PRIM2: variants seen among roughly 807,000 people sequenced by gnomAD.
PRIM2 encodes DNA primase subunit 2.
In PRIM2, 39 loss-of-function variants were observed where a neutral mutation model predicts 67.3. The observed-to-expected ratio is 0.58, with a 90% CI of 0.45 to 0.76. PRIM2 has a LOEUF of 0.76. PRIM2 is among the 30% of genes least tolerant of loss of function. The probability of loss-of-function intolerance (pLI) is 0.00; values close to 1 mark genes in which losing one functional copy is unlikely to be tolerated. For missense variants in PRIM2, 398 were observed against 598.7 expected, an observed-to-expected ratio of 0.66 and a Z score of 3.50; for synonymous variants, 143 against 198.7, an observed-to-expected ratio of 0.72 and a Z score of 2.36.
chr6:57,632,077 T>C (rs1777044562), intron 12 of PRIM2, 56 bp from the exon 13 acceptor site: 1 of 1,447,870 alleles, frequency 6.9e-7, no homozygotes, highest in Admixed American at 2.5e-5. Context: ...GCTACAGTGG[T>C]TTAGAAGAAA....
At chr6:57,553,626 T>A (rs1309879798) in intron 10 of PRIM2, among the ~76,000 whole-genome samples, 1 of 151,872 alleles carries the variant, frequency 6.6e-6, no homozygotes, top group Non-Finnish European at 1.5e-5. Flanking sequence ...GTTGCCCTTC[T>A]TGTTTCCTGT....
intron 7 of PRIM2, among the ~76,000 whole-genome samples, chr6:57,394,629 C>T (rs1770459976): frequency 6.6e-6 from 1 of 152,128 alleles, no homozygotes; most frequent in East Asian, 1.9e-4. Flanking sequence ...AGTTTGACTT[C>T]CTCTTTACCT....
chr6:57,446,418 C>CTTTTCTTTTTTTTTTTTTTTTT (rs1772366960), intron 7 of PRIM2, among the ~76,000 whole-genome samples: 1 of 83,814 alleles, frequency 1.2e-5, no homozygotes, highest in African/African-American at 4.9e-5. Context: ...CACGCCACTT[C>CTTTTCTTTTTTTTTTTTTTTTT]TTTTTTTTTT....
chr6:57,357,173 C>T (rs912535175), intron 5 of PRIM2, among the ~76,000 whole-genome samples: 1 of 152,088 alleles, frequency 6.6e-6, no homozygotes, highest in Non-Finnish European at 1.5e-5. Flanking sequence ...ACTTTGTGAT[C>T]CCCCCACATT....
chr6:57,611,497 G>T (rs1163572498), intron 12 of PRIM2, among the ~76,000 whole-genome samples: 4 of 152,080 alleles, frequency 2.6e-5, no homozygotes, highest in African/African-American at 9.7e-5. Flanking sequence ...TTTAAACAAA[G>T]GTGCCAGGGC....
At chr6:57,489,480 C>G (rs1162189054) in intron 7 of PRIM2, among the ~76,000 whole-genome samples, 37 of 152,344 alleles carry the variant, frequency 2.4e-4, no homozygotes, top group African/African-American at 7.9e-4. Flanking sequence ...TGGCGTGAAC[C>G]CGGGAGGCGG....
chr6:57,513,873 G>T (rs1774423782), intron 8 of PRIM2, among the ~76,000 whole-genome samples: 1 of 152,150 alleles, frequency 6.6e-6, no homozygotes, highest in Non-Finnish European at 1.5e-5. Context: ...ATTATTTAAT[G>T]TTTTGTCATT....
intron 10 of PRIM2, among the ~76,000 whole-genome samples, chr6:57,600,582 C>T (rs1349612441): frequency 1.3e-5 from 2 of 152,052 alleles, no homozygotes; most frequent in Non-Finnish European, 2.9e-5. Flanking sequence ...TCTTGAACTC[C>T]TGGGCTCAAG....
chr6:57,576,365 AG>A (rs1581999185), intron 10 of PRIM2, among the ~76,000 whole-genome samples: 1 of 151,900 alleles, frequency 6.6e-6, no homozygotes, highest in African/African-American at 2.4e-5. Context: ...GTTCATTCAA[AG>A]GGGGGATAGT....
intron 10 of PRIM2, among the ~76,000 whole-genome samples, chr6:57,559,554 A>G (rs1775588665): frequency 6.6e-6 from 1 of 152,216 alleles, no homozygotes; most frequent in African/African-American, 2.4e-5. Context: ...ATTTAAAATA[A>G]TTGAAGAATT....
chr6:57,273,924 G>A, the PRIM2 span, among the ~76,000 whole-genome samples: 9 of 152,138 alleles, frequency 5.9e-5, no homozygotes, highest in Admixed American at 2.6e-4. Flanking sequence ...TATCAGCAGC[G>A]GTGGCTGCAG....
the PRIM2 span, among the ~76,000 whole-genome samples, chr6:57,284,002 T>C: frequency 2.0e-5 from 3 of 152,190 alleles, no homozygotes; most frequent in Admixed American, 2.0e-4. Flanking sequence ...GCATCATTAT[T>C]ATAGTATATT....
the PRIM2 span, among the ~76,000 whole-genome samples, chr6:57,252,296 T>C: frequency 1.3e-5 from 2 of 152,266 alleles, no homozygotes; most frequent in South Asian, 2.1e-4. Flanking sequence ...AGGCTCGCTA[T>C]GTACTGGGAA....
the PRIM2 span, among the ~76,000 whole-genome samples, chr6:57,275,194 A>C: frequency 6.6e-6 from 1 of 152,202 alleles, no homozygotes; most frequent in South Asian, 2.1e-4. Context: ...TTTTCAAGGT[A>C]AGCAAGCAAG....
intron 7 of PRIM2, among the ~76,000 whole-genome samples, chr6:57,458,641 C>T (rs1207940592): frequency 3.3e-5 from 5 of 152,152 alleles, no homozygotes; most frequent in Admixed American, 2.6e-4. Context: ...GCCGAGGTTG[C>T]GCCATTGCAC....
At chr6:57,252,521 A>G in the PRIM2 span, among the ~76,000 whole-genome samples, 1 of 152,096 alleles carries the variant, frequency 6.6e-6, no homozygotes, top group African/African-American at 2.4e-5. Flanking sequence ...GCTCACCGCA[A>G]CCTCTGCCTC....
chr6:57,321,433 G>A (rs1043825131), intron 3 of PRIM2, among the ~76,000 whole-genome samples: 1 of 152,116 alleles, frequency 6.6e-6, no homozygotes, highest in Non-Finnish European at 1.5e-5. Context: ...TTTAGCAGAA[G>A]GTTGGAATCA....
intron 7 of PRIM2, among the ~76,000 whole-genome samples, chr6:57,423,005 T>C (rs774810487): frequency 2.6e-5 from 4 of 152,196 alleles, no homozygotes; most frequent in Non-Finnish European, 5.9e-5. Flanking sequence ...TTTTCAGTGT[T>C]AGTGCAGAGT....
chr6:57,298,244 C>T, the PRIM2 span, among the ~76,000 whole-genome samples: 1 of 151,958 alleles, frequency 6.6e-6, no homozygotes, highest in Non-Finnish European at 1.5e-5. Context: ...ACCTGTAGTC[C>T]CAGCTACTCG....
Sources: allele counts gnomAD v4.1 joint callset (sites outside exome capture counted in the v4.1 genomes callset), GRCh38; gene constraint gnomAD v4.1.1; transcripts MANE v1.5; gene names NCBI Gene and HGNC (gene_info 2026-07-23, HGNC 2026-07-21).